The following KRT31 variants were observed in gnomAD, a reference collection of about 807,000 sequenced individuals.
The protein encoded by KRT31 is keratin 31.
Under a neutral mutation model 40.8 loss-of-function variants are expected in KRT31, and 27 were observed. That is an observed-to-expected ratio of 0.66 (90% CI 0.49 to 0.91). KRT31 has a LOEUF of 0.91. KRT31 is among the 40% of genes least tolerant of loss of function. The pLI is 0.00. For missense variants in KRT31, 510 were observed against 544.1 expected (o/e 0.94, Z 0.62); for synonymous variants, 231 against 231.9 (o/e 1.00, Z 0.03).
At position 41,397,567 on chromosome 17, in the gene KRT31, T is replaced by A; in HGVS notation, c.-28A>T. 1 of 1,579,556 alleles carries A rather than the reference T, an allele frequency of 6.3e-7. No individual in the cohort carries two copies. The highest frequency in any genetic ancestry group is 8.6e-7 in the Non-Finnish European group (1 of 1,162,568). ...TGCTGGGAGGGAGGGAGGGAGTGCC[T>A]GGCTGAAGACAGAGTCTAAATTCTC... On this transcript the variant is annotated 5_prime_UTR_variant, in exon 1 of 7. Coordinates refer to ENST00000251645, the MANE Select transcript of KRT31 (RefSeq NM_002277.3).
At position 41,393,946 on chromosome 17, in the gene KRT31, G is replaced by A. The variant is rs1597706380; in HGVS notation, c.*70C>T. 4.6e-6 allele frequency: 7 copies of A among 1,529,548 alleles called. No homozygotes were observed. In the South Asian group the frequency reaches 8.4e-5, roughly 18 times the overall value. 94.7% of individuals were successfully genotyped at this position (1,529,548 alleles called of 1,614,324 possible). ...ATGATGTTTTCAGGCCCCTTTTGTT[G>A]AACCAGAGCCAGGTCACAGCTCTGG... On this transcript the variant is annotated 3_prime_UTR_variant, in exon 7 of 7. Transcript: ENST00000251645.
chr17:41,397,426 G>C lies in KRT31; in HGVS notation c.114C>G (p.Pro38=), dbSNP rs777382746. The part of the protein sequence containing the change: ...SCTLPGACNI[P]ANVSNCNWFC... The stretch of plus-strand genomic sequence containing the variant: ...ACCAGTTGCAGTTGCTCACATTGGC[G>C]GGGATGTTGCAGGCCCCGGGCAGGG... Residue 38 remains proline, a synonymous_variant, in exon 1 of 7, where the codon CCC becomes CCG. Coordinates refer to ENST00000251645, the MANE Select transcript of KRT31 (RefSeq NM_002277.3). 9 of 1,612,872 alleles carry C rather than the reference G, an allele frequency of 5.6e-6. No homozygotes were observed. In the South Asian group the frequency reaches 8.8e-5, roughly 16 times the overall value.
Position 41,394,089 on chromosome 17 carries a change from CA to C in KRT31, c.1177del (p.Cys393ValfsTer27). On this transcript the variant is annotated frameshift_variant, in exon 7 of 7. Transcript: ENST00000251645. LOFTEE classifies it high-confidence loss of function. ...GGGTGTGCAGGGGGCAGGAGGGACA[CA>C]AGAGGTACAGGGATTGGAGAGACAG... The part of the protein sequence containing the change: ...GPCLSNPCTS[C>X]VPPAPCTPCA... The C allele has an allele frequency of 6.2e-7, 1 of 1,613,030 alleles. No homozygotes were observed. Among genetic ancestry groups the C allele is most frequent in the Non-Finnish European group, 8.5e-7 (1 of 1,179,528 alleles).
In KRT31 at chr17:41,397,572, G is replaced by A. The variant is rs763609321; in HGVS notation, c.-33C>T. On this transcript the variant is annotated 5_prime_UTR_variant, in exon 1 of 7. Transcript: ENST00000251645. ...GGAGGGAGGGAGGGAGTGCCTGGCT[G>A]AAGACAGAGTCTAAATTCTCCAAGC... 5.7e-4 allele frequency: 896 copies of A among 1,568,224 alleles called. 2 individuals are homozygous for A. Among genetic ancestry groups the A allele is most frequent in the Non-Finnish European group, 6.9e-4 (799 of 1,156,560 alleles).
At chr17:41,395,148 C>A in intron 5 of KRT31, 80 bp from the exon 6 acceptor site, 3 of 1,608,550 alleles carry the variant, frequency 1.9e-6, no homozygotes, top group Non-Finnish European at 2.6e-6. Flanking sequence ...AAGTCACAAG[C>A]TCCAAGAGCT....
Position 41,397,604 on chromosome 17 carries a change from G to T in KRT31, c.-65C>A. 1 of 1,518,568 alleles carries T rather than the reference G, an allele frequency of 6.6e-7. No individual in the cohort carries two copies. The allele number at this position is 1,518,568 out of a possible 1,614,324, so 94.1% of individuals were successfully genotyped here. Reference sequence around the variant, plus strand: ...GAGTCTAAATTCTCCAAGCCACAGAGCTGTGGGTCTCCTTCCTCTAGGGAG... The same window carrying T: ...GAGTCTAAATTCTCCAAGCCACAGATCTGTGGGTCTCCTTCCTCTAGGGAG... On this transcript the variant is annotated 5_prime_UTR_variant, in exon 1 of 7. Coordinates refer to ENST00000251645, the MANE Select transcript of KRT31 (RefSeq NM_002277.3).
intron 2 of KRT31, 78 bp from the exon 3 acceptor site, chr17:41,396,654 C>A: frequency 6.7e-7 from 1 of 1,488,322 alleles, no homozygotes; most frequent in Non-Finnish European, 9.1e-7. Context: ...ACCTCATGTG[C>A]CTTATCTTTC....
rs141649172 is a variant in KRT31, at chr17:41,396,528, G to A, written c.480C>T (p.Asn160=). Residue 160 remains asparagine, a synonymous_variant, in exon 3 of 7, where the codon AAC becomes AAT. Transcript: ENST00000251645. The part of the protein sequence containing the change: ...SLRQLVESDI[N]GLRRILDELT... ...GCTCATCCAGGATCCTGCGCAGACCGTTGATGTCCGACTCCACCAGCTGCC... is the reference window on the plus strand; with the variant it reads ...GCTCATCCAGGATCCTGCGCAGACCATTGATGTCCGACTCCACCAGCTGCC... 122 of 1,614,166 alleles carry A rather than the reference G, an allele frequency of 7.6e-5. 1 individual carries two copies. The African/African-American group carries it at 1.2e-3, about 16-fold the overall frequency.
chr17:41,395,085 T>A lies in KRT31; in HGVS notation c.877-17A>T. 1 of 1,613,912 alleles carries A rather than the reference T, an allele frequency of 6.2e-7. No homozygotes were observed. Among genetic ancestry groups the A allele is most frequent in the Non-Finnish European group, 8.5e-7 (1 of 1,179,814 alleles). On this transcript the variant is annotated splice_polypyrimidine_tract_variant and intron_variant, in intron 5 of 6. Coordinates refer to ENST00000251645, the MANE Select transcript of KRT31 (RefSeq NM_002277.3). Reference sequence around the variant, plus strand: ...AGAGTCTCGCTGTGGTGGAGAAGATTGGGAATGTCAGAGAGCTGCTCCTTC... The same window carrying A: ...AGAGTCTCGCTGTGGTGGAGAAGATAGGGAATGTCAGAGAGCTGCTCCTTC...
rs906097987 is a variant in KRT31, at chr17:41,396,832, A to G, written c.431+81T>C. ...AGAATCCTTCACAACAAGTGGGTAG[A>G]TCTGTTTTCAGATGGAAATCCCTTT... On this transcript the variant is annotated intron_variant, in intron 2 of 6. Coordinates refer to ENST00000251645, the MANE Select transcript of KRT31 (RefSeq NM_002277.3). 9.3e-6 allele frequency: 12 copies of G among 1,287,398 alleles called. No individual in the cohort carries two copies. In the African/African-American group the frequency reaches 1.5e-4, roughly 16 times the overall value. 79.7% of individuals were successfully genotyped at this position (1,287,398 alleles called of 1,614,324 possible). A position where few individuals can be genotyped will look rare whatever the true frequency, so the allele number is the denominator to read the frequency against.
At chr17:41,395,774 C>A in intron 3 of KRT31, 151 bp from the exon 4 acceptor site, 1 of 899,824 alleles carries the variant, frequency 1.1e-6, no homozygotes, top group Non-Finnish European at 1.6e-6. Flanking sequence ...CTCCATGTGG[C>A]ATAGCCCCCT....
At position 41,395,601 on chromosome 17, in the gene KRT31, TG is replaced by T; in HGVS notation, c.610del (p.Gln204SerfsTer18). 1 of 1,614,210 alleles carries T rather than the reference TG, an allele frequency of 6.2e-7. No homozygotes were observed. The highest frequency in any genetic ancestry group is 8.5e-7 in the Non-Finnish European group (1 of 1,180,030). ...CTCCACATTGAGGCGGTCTCCAAGC[TG>T]GCAGCGCAGGGTATTGACCTCCTAT... ...HEQEVNTLRCQLGDRLNVEVD... is the reference protein window; with the variant it reads ...HEQEVNTLRCXLGDRLNVEVD... On this transcript the variant is annotated frameshift_variant, in exon 4 of 7. Coordinates refer to ENST00000251645, the MANE Select transcript of KRT31 (RefSeq NM_002277.3). LOFTEE classifies it high-confidence loss of function.
chr17:41,394,231 A>T, intron 6 of KRT31, 62 bp from the exon 7 acceptor site: 2 of 1,579,386 alleles, frequency 1.3e-6, no homozygotes, highest in Non-Finnish European at 1.7e-6. Flanking sequence ...CATATGCCAG[A>T]GATATCCCCA....
In KRT31 at chr17:41,397,045, A is replaced by G; in HGVS notation, c.349-50T>C. 2.5e-6 allele frequency: 4 copies of G among 1,583,870 alleles called. No individual in the cohort carries two copies. In the South Asian group the frequency reaches 3.4e-5, roughly 13 times the overall value. On this transcript the variant is annotated intron_variant, in intron 1 of 6. Transcript: ENST00000251645. The stretch of plus-strand genomic sequence containing the variant: ...GAGGACTGAAAATAAATATGAAATC[A>G]TCAACTTTTTAAAAATGACTTAAGC...
Position 41,393,828 on chromosome 17 carries a change from A to G in KRT31, c.*188T>C. 2 of 578,660 alleles carry G rather than the reference A, an allele frequency of 3.5e-6. No homozygotes were observed. Among genetic ancestry groups the G allele is most frequent in the Non-Finnish European group, 5.9e-6 (2 of 341,872 alleles). The allele number at this position is 578,660 out of a possible 1,614,324, so 35.8% of individuals were successfully genotyped here. A position where few individuals can be genotyped will look rare whatever the true frequency, so the allele number is the denominator to read the frequency against. ...GGAAGGAACAGACCCCCAGGAAGGAAAGGGTGAGCAGGACAGTCTGGAGTA... is the reference window on the plus strand; with the variant it reads ...GGAAGGAACAGACCCCCAGGAAGGAGAGGGTGAGCAGGACAGTCTGGAGTA... On this transcript the variant is annotated 3_prime_UTR_variant, in exon 7 of 7. Coordinates refer to ENST00000251645, the MANE Select transcript of KRT31 (RefSeq NM_002277.3).
Position 41,396,825 on chromosome 17 carries a change from T to G in KRT31, c.431+88A>C, listed in dbSNP as rs934386994. 5 of 1,230,708 alleles carry G rather than the reference T, an allele frequency of 4.1e-6. No individual in the cohort carries two copies. In the African/African-American group the frequency reaches 7.4e-5, roughly 18 times the overall value. The allele number at this position is 1,230,708 out of a possible 1,614,324, so 76.2% of individuals were successfully genotyped here. On this transcript the variant is annotated intron_variant, in intron 2 of 6. Coordinates refer to ENST00000251645, the MANE Select transcript of KRT31 (RefSeq NM_002277.3). ...CCTCTGCAGAATCCTTCACAACAAG[T>G]GGGTAGATCTGTTTTCAGATGGAAA...
Position 41,394,052 on chromosome 17 carries a change from G to T in KRT31, c.1215C>A (p.Arg405=). ...AGGAATTGCAGGGCCCACAGCGGGG[G>T]CGTGGGGCACAGGGTGTGCAGGGGG... ...PPAPCTPCAP[R]PRCGPCNSFV... The change falls in exon 7 of 7, where the codon CGC becomes CGA. Residue 405 remains arginine (R), a synonymous_variant. Transcript: ENST00000251645. 6.2e-7 allele frequency: 1 copy of T among 1,613,630 alleles called. No individual in the cohort carries two copies. Among genetic ancestry groups the T allele is most frequent in the South Asian group, 1.1e-5 (1 of 91,060 alleles).
In KRT31 at chr17:41,395,442, C is replaced by T. The variant is rs1184394911; in HGVS notation, c.750+20G>A. ...CTGGGGGGCCTTGGGTCCTGAGGGG[C>T]CACGTGCTTAGATGCCCACCTGCGT... is the stretch of plus-strand genomic sequence containing the variant. On this transcript the variant is annotated intron_variant, in intron 4 of 6. Coordinates refer to ENST00000251645, the MANE Select transcript of KRT31 (RefSeq NM_002277.3). The T allele has an allele frequency of 1.2e-6, 2 of 1,613,992 alleles. No homozygotes were observed. The highest frequency in any genetic ancestry group is 1.7e-6 in the Non-Finnish European group (2 of 1,179,896).
Position 41,397,357 on chromosome 17 carries a change from C to T in KRT31, c.183G>A (p.Gln61=). 1 of 1,613,552 alleles carries T rather than the reference C, an allele frequency of 6.2e-7. No homozygotes were observed. Residue 61 remains glutamine, a synonymous_variant, in exon 1 of 7, where the codon CAG becomes CAA. Transcript: ENST00000251645. ...SFNGSEKETM[Q]FLNDRLASYL... ...AGCTGGCCAGGCGGTCGTTCAGGAA[C>T]TGCATAGTCTCCTTCTCGCTACCAT... is the stretch of plus-strand genomic sequence containing the variant.
Sources: allele counts gnomAD v4.1 joint callset, GRCh38; gene constraint gnomAD v4.1.1; transcripts MANE v1.5; gene names NCBI Gene and HGNC (gene_info 2026-07-23, HGNC 2026-07-21).